TUBB8B: variants seen among roughly 807,000 people sequenced by gnomAD.
TUBB8B encodes the protein HSA18p11 beta-tubulin 4Q pseudogene.
In TUBB8B, 26 loss-of-function variants were observed where a neutral mutation model predicts 31.9. The ratio of observed to expected loss-of-function variants is 0.81; its 90% CI spans 0.60 to 1.13. The LOEUF is 1.13. Ranked by LOEUF, TUBB8B falls within the 50% of genes most tolerant of loss-of-function variation. The probability of loss-of-function intolerance (pLI) is 0.00; values close to 1 mark genes in which losing one functional copy is unlikely to be tolerated. For synonymous variants in TUBB8B, 173 were observed against 231.0 expected (o/e 0.75, Z 2.28); for missense variants, 467 against 586.7 (o/e 0.80, Z 2.11).
upstream of TUBB8B, among the ~76,000 whole-genome samples, chr18:53,030 T>A (rs556738313): frequency 6.6e-6 from 1 of 151,970 alleles, no homozygotes; most frequent in African/African-American, 2.4e-5. Flanking sequence ...AGGACATTTA[T>A]ACATTTTTCA....
the TUBB8B span, among the ~76,000 whole-genome samples, chr18:63,675 A>ACCCTAACCCTAACCCTAAC: frequency 7.5e-5 from 11 of 146,594 alleles, no homozygotes; most frequent in Non-Finnish European, 1.3e-4. Flanking sequence ...CTTAGCCCTA[A>ACCCTAACCCTAACCCTAAC]CCCTAACCCT....
the TUBB8B span, among the ~76,000 whole-genome samples, chr18:59,453 A>G: frequency 2.0e-5 from 3 of 151,464 alleles, no homozygotes; most frequent in African/African-American, 7.3e-5. Flanking sequence ...ATTCCATACC[A>G]GTTTTCAAAG....
the TUBB8B span, among the ~76,000 whole-genome samples, chr18:71,232 T>TAA: frequency 1.0e-3 from 148 of 144,296 alleles, 1 homozygote; most frequent in African/African-American, 3.0e-3. Flanking sequence ...CCTTCTCTCT[T>TAA]AAAAAAAAAA....
the TUBB8B span, among the ~76,000 whole-genome samples, chr18:63,428 T>G: frequency 6.6e-6 from 1 of 151,646 alleles, no homozygotes; most frequent in African/African-American, 2.4e-5. Context: ...TTCCCTTTCT[T>G]TCTCTGAAAC....
chr18:65,749 A>G, the TUBB8B span, among the ~76,000 whole-genome samples: 2 of 152,188 alleles, frequency 1.3e-5, no homozygotes, highest in Admixed American at 6.5e-5. Flanking sequence ...ATGTGTTTGG[A>G]AGCAGTAAAA....
chr18:69,978 G>A, the TUBB8B span, among the ~76,000 whole-genome samples: 23 of 152,200 alleles, frequency 1.5e-4, no homozygotes, highest in Admixed American at 1.1e-3. Context: ...CCAACATGGC[G>A]AAACCCAGGC....
Position 48,574 on chromosome 18 carries a change from A to G in TUBB8B, c.278-127T>C, listed in dbSNP as rs139423665. On this transcript the variant is annotated intron_variant, in intron 3 of 3. Coordinates refer to ENST00000308911, the MANE Select transcript of TUBB8B (RefSeq NM_001358689.2). Reference sequence around the variant, plus strand: ...CACCATTCGCCCTGCAGGTGGAGCAAATGAAACTCCCTCCTCCAGAGTTAC... The same window carrying G: ...CACCATTCGCCCTGCAGGTGGAGCAGATGAAACTCCCTCCTCCAGAGTTAC... 8.3e-4 allele frequency: 637 copies of G among 766,050 alleles called. 10 individuals carry two copies. In the African/African-American group the frequency reaches 9.3e-3, roughly 11 times the overall value. The allele number at this position is 766,050 out of a possible 1,614,324, so 47.5% of individuals were successfully genotyped here. A position where few individuals can be genotyped will look rare whatever the true frequency, so the allele number is the denominator to read the frequency against.
the TUBB8B span, among the ~76,000 whole-genome samples, chr18:60,870 T>C: frequency 6.6e-6 from 1 of 151,748 alleles, no homozygotes; most frequent in African/African-American, 2.4e-5. Context: ...ACTTGTTACA[T>C]AATATATGGT....
chr18:59,364 G>T, the TUBB8B span, among the ~76,000 whole-genome samples: 3 of 151,468 alleles, frequency 2.0e-5, no homozygotes, highest in Non-Finnish European at 2.9e-5. Flanking sequence ...TAGAGGAAAG[G>T]CTTTTAGTTT....
rs915516318 is a variant in TUBB8B, at chr18:49,562, A to G, written c.-5T>C. On this transcript the variant is annotated 5_prime_UTR_variant, in exon 1 of 4. Coordinates refer to ENST00000308911, the MANE Select transcript of TUBB8B (RefSeq NM_001358689.2). ...CGTGAGCACGATTTCCCTCATGGCC[A>G]AGGCAGGATTAGGGCGGCAGCAGAA... 6.0e-6 allele frequency: 5 copies of G among 836,270 alleles called. No individual in the cohort carries two copies. The highest frequency in any genetic ancestry group is 7.8e-6 in the Non-Finnish European group (4 of 515,722). 51.8% of individuals were successfully genotyped at this position (836,270 alleles called of 1,614,324 possible).
chr18:49,605 A>T lies in TUBB8B; in HGVS notation c.-48T>A, dbSNP rs571434007. 56 of 768,716 alleles carry T rather than the reference A, an allele frequency of 7.3e-5. 1 individual carries two copies. Among genetic ancestry groups the T allele is most frequent in the African/African-American group, 6.7e-4 (39 of 57,882 alleles). 47.6% of individuals were successfully genotyped at this position (768,716 alleles called of 1,614,324 possible). A position where few individuals can be genotyped will look rare whatever the true frequency, so the allele number is the denominator to read the frequency against. On this transcript the variant is annotated 5_prime_UTR_variant, in exon 1 of 4. Transcript: ENST00000308911. Reference sequence around the variant, plus strand: ...CAGCAGAAGCGCGAGAAGGAGGAGCAGACGCGCAGCGACCCAGCCCGCCCT... The same window carrying T: ...CAGCAGAAGCGCGAGAAGGAGGAGCTGACGCGCAGCGACCCAGCCCGCCCT...
At chr18:62,550 C>T in the TUBB8B span, among the ~76,000 whole-genome samples, 1 of 151,312 alleles carries the variant, frequency 6.6e-6, no homozygotes, top group African/African-American at 2.4e-5. Flanking sequence ...TCCCAAGGAG[C>T]TAGGACTACA....
Position 48,984 on chromosome 18 carries a change from G to A in TUBB8B, c.233C>T (p.Ser78Leu), listed in dbSNP as rs532998254. ...CCTGAAGACCTGCCCGAAGGGCCCCGAGTGCACAGAGTCCATGGTGCCCGG... is the reference window on the plus strand; with the variant it reads ...CCTGAAGACCTGCCCGAAGGGCCCCAAGTGCACAGAGTCCATGGTGCCCGG... ...LEPGTMDSVH[S>L]GPFGQVFRPD... is the part of the protein sequence containing the mutation. The change falls in exon 3 of 4, where the codon TCG (serine) becomes TTG (leucine). Residue 78 changes from serine (S) to leucine (L), a missense_variant. By Grantham distance (145) the Ser-to-Leu change is moderately radical (BLOSUM62 -2). This residue lies in a region of TUBB8B where 259 missense variants were observed against 380.1 expected (regional missense o/e 0.68). Coordinates refer to ENST00000308911, the MANE Select transcript of TUBB8B (RefSeq NM_001358689.2). The A allele has an allele frequency of 6.3e-4, 1,019 of 1,609,350 alleles. 24 individuals carry two copies. Among genetic ancestry groups the A allele is most frequent in the Non-Finnish European group, 7.9e-4 (930 of 1,177,878 alleles).
At position 49,583 on chromosome 18, in the gene TUBB8B, C is replaced by G. The variant is rs11876530; in HGVS notation, c.-26G>C. On this transcript the variant is annotated 5_prime_UTR_variant, in exon 1 of 4. Transcript: ENST00000308911. ...GGCCAAGGCAGGATTAGGGCGGCAG[C>G]AGAAGCGCGAGAAGGAGGAGCAGAC... 0.49 allele frequency: 351,303 copies of G among 721,112 alleles called. 102,481 individuals carry two copies. Among genetic ancestry groups the G allele is most frequent in the East Asian group, 0.97 (33,520 of 34,500 alleles). The allele number at this position is 721,112 out of a possible 1,614,324, so 44.7% of individuals were successfully genotyped here. A position where few individuals can be genotyped will look rare whatever the true frequency, so the allele number is the denominator to read the frequency against.
the TUBB8B span, among the ~76,000 whole-genome samples, chr18:71,570 A>T: frequency 0.012 from 238 of 19,588 alleles, 1 homozygote; most frequent in East Asian, 0.091. Context: ...AAAAAAATTT[A>T]AAAAAAAAAA....
chr18:51,144 G>C (rs1906087114), upstream of TUBB8B, among the ~76,000 whole-genome samples: 2 of 151,844 alleles, frequency 1.3e-5, no homozygotes, highest in Admixed American at 1.3e-4. Context: ...GCTAATAATA[G>C]CATATCTAGC....
At chr18:61,067 C>G in the TUBB8B span, among the ~76,000 whole-genome samples, 1 of 151,324 alleles carries the variant, frequency 6.6e-6, no homozygotes, top group African/African-American at 2.4e-5. Flanking sequence ...AAGTGTCCAG[C>G]CATTATTGTA....
chr18:59,340 C>A, the TUBB8B span, among the ~76,000 whole-genome samples: 1 of 151,600 alleles, frequency 6.6e-6, no homozygotes, highest in African/African-American at 2.4e-5. Context: ...ATATTCTTGT[C>A]ATCTTCCAGA....
At chr18:72,196 A>AC in the TUBB8B span, among the ~76,000 whole-genome samples, 22 of 84,544 alleles carry the variant, frequency 2.6e-4, 4 homozygotes, top group East Asian at 4.9e-3. Flanking sequence ...AAAAAAAAAA[A>AC]AAAGGAAAAA....
Sources: gnomAD v4.1 joint callset for allele counts (sites outside exome capture counted in the v4.1 genomes callset) on GRCh38, gnomAD v4.1.1 for gene constraint, gnomAD v4.1.1 regional missense constraint, MANE v1.5 for transcripts, NCBI Gene and HGNC (gene_info 2026-07-23, HGNC 2026-07-21) for gene names.